MIDEAS: variants seen among roughly 807,000 people sequenced by gnomAD.
The protein encoded by MIDEAS is mitotic deacetylase-associated SANT domain protein.
Under a neutral mutation model 102.7 loss-of-function variants are expected in MIDEAS, and 26 were observed. The ratio of observed to expected loss-of-function variants is 0.25; its 90% CI spans 0.19 to 0.35. The LOEUF is 0.35. Among genes scored for constraint, MIDEAS ranks in the 10% least tolerant of loss-of-function variants. The pLI, the probability that MIDEAS is intolerant of heterozygous loss-of-function variation, is 1.00. For missense variants in MIDEAS, 1,231 were observed against 1,435.6 expected, an observed-to-expected ratio of 0.86 and a Z score of 2.30; for synonymous variants, 585 against 591.0, an observed-to-expected ratio of 0.99 and a Z score of 0.15.
chr14:73,730,313 T>C, intron 3 of MIDEAS: 1 of 424,018 alleles, frequency 2.4e-6, no homozygotes, highest in Non-Finnish European at 4.4e-6. Flanking sequence ...GCTCTGGATC[T>C]GGCCCCCAGA....
upstream of MIDEAS, among the ~76,000 whole-genome samples, chr14:73,761,936 G>A (rs2053558505): frequency 6.6e-6 from 1 of 152,198 alleles, no homozygotes; most frequent in Non-Finnish European, 1.5e-5. Context: ...GCTCAGGCCT[G>A]CAGACCCCCA....
chr14:73,730,020 C>T, intron 3 of MIDEAS, 35 bp from the exon 4 acceptor site: 1 of 1,597,852 alleles, frequency 6.3e-7, no homozygotes, highest in Non-Finnish European at 8.6e-7. Flanking sequence ...CGGCTCAGCC[C>T]CCCGTGTCCC....
upstream of MIDEAS, among the ~76,000 whole-genome samples, chr14:73,764,640 G>A (rs2053579868): frequency 1.3e-5 from 2 of 152,272 alleles, no homozygotes; most frequent in South Asian, 2.1e-4. Context: ...AGCAAACCGC[G>A]AGCTCACAAC....
chr14:73,726,873 C>CT lies in MIDEAS; in HGVS notation c.2261dup (p.Pro755AlafsTer54). ...GGCTGCTCTCTAGGTCCTCCCATGG[C>CT]TGCCACACCAAGTCAGCCTTGTGGG... On this transcript the variant is annotated frameshift_variant, in exon 6 of 13. Transcript: ENST00000423556. LOFTEE classifies it high-confidence loss of function. 1 of 1,612,754 alleles carries CT rather than the reference C, an allele frequency of 6.2e-7. No individual in the cohort carries two copies. Among genetic ancestry groups the CT allele is most frequent in the Non-Finnish European group, 8.5e-7 (1 of 1,178,900 alleles).
chr14:73,779,135 C>A (rs1187495850), intron 1 of MIDEAS, among the ~76,000 whole-genome samples: 1 of 151,764 alleles, frequency 6.6e-6, no homozygotes, highest in African/African-American at 2.4e-5. Flanking sequence ...GCCTGTAATC[C>A]CAGCTCTTTG....
Position 73,718,704 on chromosome 14 carries a change from C to T in MIDEAS, c.*139G>A. 1 of 869,724 alleles carries T rather than the reference C, an allele frequency of 1.1e-6. No homozygotes were observed. Among genetic ancestry groups the T allele is most frequent in the Non-Finnish European group, 1.6e-6 (1 of 636,490 alleles). The allele number at this position is 869,724 out of a possible 1,614,324, so 53.9% of individuals were successfully genotyped here. A position where few individuals can be genotyped will look rare whatever the true frequency, so the allele number is the denominator to read the frequency against. On this transcript the variant is annotated 3_prime_UTR_variant, in exon 13 of 13. Coordinates refer to ENST00000423556, the MANE Select transcript of MIDEAS (RefSeq NM_001367710.1). The stretch of plus-strand genomic sequence containing the variant: ...TCATAAATAAAAGAGCCGTTTATGT[C>T]ATTGTCTCATTTGTTTCGCAGGGAA...
chr14:73,766,269 C>T (rs2140163231), intron 1 of MIDEAS, among the ~76,000 whole-genome samples: 1 of 152,344 alleles, frequency 6.6e-6, no homozygotes, highest in East Asian at 1.9e-4. Flanking sequence ...AAGGGCACAG[C>T]CTAGATCTTC....
chr14:73,781,513 T>A (rs1242111365), intron 1 of MIDEAS, among the ~76,000 whole-genome samples: 1 of 150,718 alleles, frequency 6.6e-6, no homozygotes, highest in Non-Finnish European at 1.5e-5. Context: ...GGAGGGCAGA[T>A]CACCTGAAGT....
At chr14:73,764,361 A>C (rs1435056377), upstream of MIDEAS, among the ~76,000 whole-genome samples, 5 of 150,628 alleles carry the variant, frequency 3.3e-5, no homozygotes, top group Admixed American at 2.0e-4. Context: ...AAAAAAAAAA[A>C]AACAAAACAA....
chr14:73,719,165 C>A, intron 12 of MIDEAS, 140 bp downstream of exon 12: 1 of 1,478,432 alleles, frequency 6.8e-7, no homozygotes, highest in Non-Finnish European at 8.9e-7. Flanking sequence ...CATGACGTCA[C>A]AGCCCTAGAA....
intron 1 of MIDEAS, among the ~76,000 whole-genome samples, chr14:73,777,072 AAAAT>A (rs568902090): frequency 2.0e-5 from 3 of 151,644 alleles, no homozygotes; most frequent in Non-Finnish European, 2.9e-5. Flanking sequence ...TGTCTCAAAA[AAAAT>A]AAATAAATAA....
At chr14:73,764,077 C>G (rs902503659), upstream of MIDEAS, among the ~76,000 whole-genome samples, 2 of 152,148 alleles carry the variant, frequency 1.3e-5, no homozygotes, top group African/African-American at 4.8e-5. Context: ...TCATGGCTCA[C>G]GCCTGTAATC....
chr14:73,764,958 G>A (rs1003197426), upstream of MIDEAS, among the ~76,000 whole-genome samples: 4 of 152,218 alleles, frequency 2.6e-5, no homozygotes, highest in African/African-American at 2.4e-5. Context: ...ACGTCTGGCC[G>A]GGTGTAGGGA....
At chr14:73,737,418 G>A in intron 2 of MIDEAS, 121 bp from the exon 3 acceptor site, 1 of 1,119,390 alleles carries the variant, frequency 8.9e-7, no homozygotes, top group East Asian at 2.6e-5. Context: ...GACGCCACAA[G>A]TTCAAGACCA....
At chr14:73,785,988 G>C (rs1398532403) in intron 1 of MIDEAS, among the ~76,000 whole-genome samples, 2 of 152,230 alleles carry the variant, frequency 1.3e-5, no homozygotes, top group African/African-American at 4.8e-5. Flanking sequence ...CCGAGGTCTT[G>C]CACAATAGCC....
intron 1 of MIDEAS, among the ~76,000 whole-genome samples, chr14:73,776,932 G>A (rs556967612): frequency 7.2e-5 from 11 of 151,932 alleles, no homozygotes; most frequent in Non-Finnish European, 1.3e-4. Flanking sequence ...TTAGCCTGGC[G>A]TGGTGGCGGG....
At chr14:73,784,056 C>A (rs570371544) in intron 1 of MIDEAS, among the ~76,000 whole-genome samples, 1 of 152,212 alleles carries the variant, frequency 6.6e-6, no homozygotes, top group Non-Finnish European at 1.5e-5. Context: ...AGTGGCACCT[C>A]GGGGTTTCCG....
rs1566583938 is a variant in MIDEAS at position 73,725,392 on chromosome 14, G to T, written c.2486-32C>A. The stretch of plus-strand genomic sequence containing the variant: ...GGCAAAGAGGCAGCCAGGGAGTGAG[G>T]TGGGCAGGGCCCTGGCCACTGCAGG... On this transcript the variant is annotated intron_variant, in intron 8 of 12. Transcript: ENST00000423556. This position sits in a 1 kb window ranked among gnomAD's most constrained non-coding sequence, Gnocchi z 4.1. The T allele has an allele frequency of 5.7e-6, 9 of 1,590,938 alleles. No homozygotes were observed. Among genetic ancestry groups the T allele is most frequent in the Non-Finnish European group, 6.9e-6 (8 of 1,159,160 alleles).
At chr14:73,728,748 C>T (rs35443530) in intron 4 of MIDEAS, 2 of 152,274 alleles carry the variant, frequency 1.3e-5, no homozygotes, top group Non-Finnish European at 2.9e-5. Context: ...GCCTTACGCC[C>T]GAGTGTTCGG....
Sources: allele counts gnomAD v4.1 joint callset (sites outside exome capture counted in the v4.1 genomes callset), GRCh38; gene constraint gnomAD v4.1.1; non-coding constraint Gnocchi (gnomAD v3.1); transcripts MANE v1.5; gene names NCBI Gene and HGNC (gene_info 2026-07-23, HGNC 2026-07-21).